COP1: variants seen among roughly 807,000 people sequenced by gnomAD.
The protein encoded by COP1 is E3 ubiquitin-protein ligase COP1.
Under a neutral mutation model 101.3 loss-of-function variants are expected in COP1, and 24 were observed. The observed-to-expected ratio is 0.24, with a 90% confidence interval of 0.17 to 0.33. The LOEUF (loss-of-function observed/expected upper bound fraction) is 0.33. Ranked by LOEUF, COP1 falls within the 10% of genes least tolerant of loss-of-function variation. COP1 has a pLI of 1.00. For synonymous variants in COP1, 347 were observed against 341.9 expected, an observed-to-expected ratio of 1.01 and a Z score of -0.17; for missense variants, 663 against 906.2, an observed-to-expected ratio of 0.73 and a Z score of 3.45.
At chr1:176,152,804 C>T (rs1692835010) in intron 5 of COP1, among the ~76,000 whole-genome samples, 1 of 152,128 alleles carries the variant, frequency 6.6e-6, no homozygotes, top group African/African-American at 2.4e-5. Flanking sequence ...GGTTCAGATT[C>T]CCTACCTATA....
intron 18 of COP1, among the ~76,000 whole-genome samples, chr1:175,980,433 A>G (rs1655564587): frequency 6.7e-6 from 1 of 148,682 alleles, no homozygotes; most frequent in Non-Finnish European, 1.5e-5. Flanking sequence ...GTTTTGTTAG[A>G]AATTAGAGAG....
chr1:176,075,056 T>C (rs1485547944), intron 11 of COP1, among the ~76,000 whole-genome samples: 1 of 152,166 alleles, frequency 6.6e-6, no homozygotes, highest in Non-Finnish European at 1.5e-5. Context: ...TAAAATAAGA[T>C]TGTGAGCTCT....
chr1:176,006,700 G>A (rs1231626216), intron 15 of COP1, among the ~76,000 whole-genome samples: 1 of 152,176 alleles, frequency 6.6e-6, no homozygotes, highest in African/African-American at 2.4e-5. Context: ...GGCTTGTAGG[G>A]TTTCTGCCGA....
At chr1:176,024,220 C>T (rs1318133756) in intron 15 of COP1, among the ~76,000 whole-genome samples, 1 of 152,100 alleles carries the variant, frequency 6.6e-6, no homozygotes, top group Non-Finnish European at 1.5e-5. Context: ...TATCGTGCCA[C>T]TGCACTCCAG....
chr1:176,090,397 C>CTTTAAAAAAGT (rs1201251964), intron 9 of COP1, among the ~76,000 whole-genome samples: 1 of 152,114 alleles, frequency 6.6e-6, no homozygotes, highest in African/African-American at 2.4e-5. Context: ...AAATAAACCT[C>CTTTAAAAAAGT]TTTAAAAAAG....
At chr1:176,174,667 A>G (rs1696653658) in intron 3 of COP1, among the ~76,000 whole-genome samples, 1 of 152,214 alleles carries the variant, frequency 6.6e-6, no homozygotes, top group Non-Finnish European at 1.5e-5. Context: ...CAAATTCATA[A>G]TTTATTTTAA....
At chr1:176,150,180 C>T (rs1169228748) in intron 5 of COP1, among the ~76,000 whole-genome samples, 2 of 152,254 alleles carry the variant, frequency 1.3e-5, no homozygotes, top group Middle Eastern at 3.4e-3. Context: ...GCATGACCAC[C>T]TCACACCCAC....
intron 15 of COP1, among the ~76,000 whole-genome samples, chr1:176,000,993 G>A (rs183860669): frequency 6.6e-6 from 1 of 151,884 alleles, no homozygotes; most frequent in Non-Finnish European, 1.5e-5. Context: ...AAACATTATG[G>A]CCATACATAT....
intron 6 of COP1, among the ~76,000 whole-genome samples, chr1:176,146,005 T>C (rs1051652940): frequency 6.6e-6 from 1 of 152,222 alleles, no homozygotes; most frequent in Non-Finnish European, 1.5e-5. Context: ...TTGGTTTATA[T>C]ACTTTTTTGT....
chr1:175,975,977 C>T (rs1049469743), intron 18 of COP1, among the ~76,000 whole-genome samples: 2 of 152,218 alleles, frequency 1.3e-5, no homozygotes, highest in African/African-American at 4.8e-5. Flanking sequence ...GTTTTGCTAT[C>T]AATGACATTT....
chr1:175,993,725 C>G (rs1288650299), intron 15 of COP1, among the ~76,000 whole-genome samples: 3 of 152,112 alleles, frequency 2.0e-5, no homozygotes, highest in African/African-American at 2.4e-5. Context: ...GCAAAGCCTC[C>G]AAGAAATATG....
intron 15 of COP1, among the ~76,000 whole-genome samples, chr1:176,019,320 G>T (rs1396069905): frequency 1.3e-5 from 2 of 150,608 alleles, no homozygotes; most frequent in Non-Finnish European, 3.0e-5. Context: ...AAAATTAGCT[G>T]AGCATGGTGG....
chr1:176,173,886 A>G (rs886125556), intron 3 of COP1, among the ~76,000 whole-genome samples: 7 of 146,924 alleles, frequency 4.8e-5, no homozygotes, highest in African/African-American at 1.7e-4. Context: ...AACCAGAGAG[A>G]CTGCGGCAGG....
intron 1 of COP1, among the ~76,000 whole-genome samples, chr1:176,190,946 A>G (rs1002841688): frequency 6.6e-6 from 1 of 152,060 alleles, no homozygotes; most frequent in African/African-American, 2.4e-5. Flanking sequence ...TACTGAGATA[A>G]TCAGAGCCAG....
chr1:176,125,819 T>A (rs1188059119), intron 8 of COP1, among the ~76,000 whole-genome samples: 1 of 152,158 alleles, frequency 6.6e-6, no homozygotes, highest in East Asian at 1.9e-4. Flanking sequence ...TTGGGTAGTA[T>A]GGACATTTTA....
intron 15 of COP1, among the ~76,000 whole-genome samples, chr1:175,994,005 T>C (rs1297455087): frequency 6.6e-6 from 1 of 152,120 alleles, no homozygotes; most frequent in Non-Finnish European, 1.5e-5. Flanking sequence ...AAAGGTCGGG[T>C]TAACCACAAA....
chr1:176,007,568 G>A (rs1454190855), intron 15 of COP1, among the ~76,000 whole-genome samples: 1 of 151,184 alleles, frequency 6.6e-6, no homozygotes, highest in Admixed American at 6.6e-5. Flanking sequence ...TAACAGACAG[G>A]ACCCTCAGCT....
rs951709974 is a variant in COP1, at chr1:176,160,175, A to G, written c.762+2694T>C. 1.1e-5 allele frequency: 3 copies of G among 285,296 alleles called. No homozygotes were observed. The East Asian group carries it at 3.2e-4, about 30-fold the overall frequency. 17.7% of individuals were successfully genotyped at this position (285,296 alleles called of 1,614,324 possible). A position where few individuals can be genotyped will look rare whatever the true frequency, so the allele number is the denominator to read the frequency against. ...AGGAAACAAAGACTAATGCTGGCAT[A>G]TGAGAAGGTAGGAAGAAGGTTACCA... On this transcript the variant is annotated intron_variant, in intron 5 of 19. Coordinates refer to ENST00000367669, the MANE Select transcript of COP1 (RefSeq NM_022457.7).
At position 176,206,998 on chromosome 1, in the gene COP1, G is replaced by T; in HGVS notation, c.-20C>A. 2 of 1,366,984 alleles carry T rather than the reference G, an allele frequency of 1.5e-6. No individual in the cohort carries two copies. The highest frequency in any genetic ancestry group is 1.9e-6 in the Non-Finnish European group (2 of 1,062,988). The allele number at this position is 1,366,984 out of a possible 1,614,324, so 84.7% of individuals were successfully genotyped here. On this transcript the variant is annotated 5_prime_UTR_variant, in exon 1 of 20. It adds an upstream start codon to the 5' untranslated region. Transcript: ENST00000367669. ...AGACATCGTGACTCCCTCCCCTCCA[G>T]CCGGGCGCTCGGAGGAGAGGGACCG...
Sources: gnomAD v4.1 joint callset for allele counts (sites outside exome capture counted in the v4.1 genomes callset) on GRCh38, gnomAD v4.1.1 for gene constraint, MANE v1.5 for transcripts, NCBI Gene and HGNC (gene_info 2026-07-23, HGNC 2026-07-21) for gene names.